POLR1D: variants seen among roughly 807,000 people sequenced by gnomAD.
POLR1D encodes the protein RNA polymerase I and III subunit D.
Under a neutral mutation model 10.8 loss-of-function variants are expected in POLR1D, and 8 were observed. That is an observed-to-expected ratio of 0.74 (90% confidence interval 0.43 to 1.33). The LOEUF is 1.33. Among genes scored for constraint, POLR1D ranks in the 40% most tolerant of loss-of-function variants. POLR1D has a pLI of 0.01. For synonymous variants in POLR1D, 54 were observed against 57.2 expected (o/e 0.94, Z 0.25); for missense variants, 152 against 161.7 (o/e 0.94, Z 0.32).
intron 1 of POLR1D, among the ~76,000 whole-genome samples, chr13:27,640,419 G>A (rs1956163081): frequency 6.6e-6 from 1 of 152,154 alleles, no homozygotes; most frequent in South Asian, 2.1e-4. Context: ...GAAAGGTTTT[G>A]AACTGCAGAA....
chr13:27,667,186 C>T (rs539801023), exon 3 of POLR1D: 6 of 152,362 alleles, frequency 3.9e-5, no homozygotes, highest in African/African-American at 1.4e-4. Context: ...TCTCCCACCC[C>T]AGATCCCAGG....
chr13:27,624,454 C>G (rs1955987728), downstream of POLR1D, among the ~76,000 whole-genome samples: 1 of 152,158 alleles, frequency 6.6e-6, no homozygotes, highest in Non-Finnish European at 1.5e-5. Flanking sequence ...TGCCATAGAG[C>G]CTACATTTCC....
chr13:27,645,702 GCTGA>G (rs1248134594), intron 1 of POLR1D, among the ~76,000 whole-genome samples: 3 of 152,112 alleles, frequency 2.0e-5, no homozygotes, highest in Non-Finnish European at 4.4e-5. Flanking sequence ...CGGTAGACAA[GCTGA>G]CTGAGTGCCC....
intron 2 of POLR1D, among the ~76,000 whole-genome samples, chr13:27,653,023 C>T (rs754039644): frequency 1.3e-5 from 2 of 150,280 alleles, no homozygotes; most frequent in Non-Finnish European, 3.0e-5. Context: ...CTCAGCCTCC[C>T]GAGTAGCTGG....
chr13:27,628,121 A>G (rs1019696756), downstream of POLR1D, among the ~76,000 whole-genome samples: 9 of 152,172 alleles, frequency 5.9e-5, no homozygotes, highest in African/African-American at 2.2e-4. Flanking sequence ...TCCCCAACCC[A>G]TATCAGAAGA....
At chr13:27,635,766 C>G (rs1378995859) in intron 1 of POLR1D, among the ~76,000 whole-genome samples, 1 of 149,032 alleles carries the variant, frequency 6.7e-6, no homozygotes, top group African/African-American at 2.5e-5. Flanking sequence ...TTTAATCCCC[C>G]TAAGAATTCT....
At chr13:27,649,649 G>T (rs1270475345) in intron 2 of POLR1D, among the ~76,000 whole-genome samples, 1 of 152,048 alleles carries the variant, frequency 6.6e-6, no homozygotes, top group African/African-American at 2.4e-5. Flanking sequence ...AATTTGAATT[G>T]GAAACATCAG....
chr13:27,662,440 G>A (rs1956373594), intron 2 of POLR1D, among the ~76,000 whole-genome samples: 1 of 151,984 alleles, frequency 6.6e-6, no homozygotes, highest in South Asian at 2.1e-4. Context: ...TATTAAATGG[G>A]ATAAAGACTA....
intron 1 of POLR1D, among the ~76,000 whole-genome samples, chr13:27,647,698 T>C (rs1452997012): frequency 6.6e-6 from 1 of 152,218 alleles, no homozygotes; most frequent in Non-Finnish European, 1.5e-5. Flanking sequence ...TGTGGATATG[T>C]TATGATTTAT....
chr13:27,624,769 T>C (rs776825698), downstream of POLR1D, among the ~76,000 whole-genome samples: 5 of 152,042 alleles, frequency 3.3e-5, no homozygotes, highest in Admixed American at 6.6e-5. Context: ...ATGCCTGTAG[T>C]CCCAGCTGCT....
At chr13:27,642,405 G>A (rs1315207647) in intron 1 of POLR1D, among the ~76,000 whole-genome samples, 1 of 151,992 alleles carries the variant, frequency 6.6e-6, no homozygotes, top group Non-Finnish European at 1.5e-5. Flanking sequence ...CCACTACAGG[G>A]GATTGCTCCC....
At chr13:27,636,082 G>T (rs1032739353) in intron 1 of POLR1D, among the ~76,000 whole-genome samples, 2 of 152,192 alleles carry the variant, frequency 1.3e-5, no homozygotes, top group African/African-American at 4.8e-5. Context: ...TGAAGCTTGT[G>T]TATTGCAGAT....
chr13:27,662,099 T>G (rs1956369799), intron 2 of POLR1D, among the ~76,000 whole-genome samples: 1 of 152,220 alleles, frequency 6.6e-6, no homozygotes, highest in Admixed American at 6.5e-5. Context: ...AATCTTTTCT[T>G]TCATAGAGAT....
At chr13:27,629,852 C>T (rs1956055640) in intron 1 of POLR1D, among the ~76,000 whole-genome samples, 1 of 152,244 alleles carries the variant, frequency 6.6e-6, no homozygotes, top group South Asian at 2.1e-4. Context: ...TGGTAGGTAG[C>T]CAGGGCTCAA....
At chr13:27,628,306 T>A (rs1008245265), downstream of POLR1D, among the ~76,000 whole-genome samples, 3 of 152,176 alleles carry the variant, frequency 2.0e-5, no homozygotes, top group Admixed American at 1.3e-4. Flanking sequence ...GCACATACTA[T>A]ACGGAGGCAC....
downstream of POLR1D, among the ~76,000 whole-genome samples, chr13:27,626,376 A>G (rs1486874943): frequency 6.6e-6 from 1 of 152,362 alleles, no homozygotes; most frequent in Middle Eastern, 3.4e-3. Flanking sequence ...TAGACTGATC[A>G]CGTAGAATGC....
intron 1 of POLR1D, among the ~76,000 whole-genome samples, chr13:27,641,893 G>T (rs1474241187): frequency 6.6e-6 from 1 of 152,186 alleles, no homozygotes; most frequent in Non-Finnish European, 1.5e-5. Context: ...GTTGGTGGGA[G>T]TGTCTAAGCC....
chr13:27,658,540 T>C (rs34449790), intron 2 of POLR1D, among the ~76,000 whole-genome samples: 31,532 of 152,216 alleles, frequency 0.21, 3,777 homozygotes, highest in East Asian at 0.56. Flanking sequence ...GAGTGAGTGG[T>C]ATTATTTTTT....
At chr13:27,631,481 T>C (rs1956073033) in intron 1 of POLR1D, among the ~76,000 whole-genome samples, 1 of 152,184 alleles carries the variant, frequency 6.6e-6, no homozygotes, top group Non-Finnish European at 1.5e-5. Flanking sequence ...AGGGTCTGAA[T>C]ACCAGGAGGT....
Sources: gnomAD v4.1 joint callset for allele counts (sites outside exome capture counted in the v4.1 genomes callset) on GRCh38, gnomAD v4.1.1 for gene constraint, MANE v1.5 for transcripts, NCBI Gene and HGNC (gene_info 2026-07-23, HGNC 2026-07-21) for gene names.